TJP3: variants seen among roughly 807,000 people sequenced by gnomAD.
TJP3 encodes tight junction protein 3.
A neutral mutation model predicts 104.2 loss-of-function variants in TJP3; 85 were observed. The observed-to-expected ratio is 0.82, with a 90% CI of 0.68 to 0.98. The LOEUF (loss-of-function observed/expected upper bound fraction) is 0.98, where lower values mean the gene tolerates loss of function less well. Among genes scored for constraint, TJP3 ranks in the 50% least tolerant of loss-of-function variants. The pLI, the probability that TJP3 is intolerant of heterozygous loss-of-function variation, is 0.00. For missense variants in TJP3, 1,367 were observed against 1,322.8 expected (o/e 1.03, Z -0.52); for synonymous variants, 550 against 550.6 (o/e 1.00, Z 0.02).
chr19:3,745,222 C>T (rs978367698), intron 15 of TJP3, among the ~76,000 whole-genome samples: 4 of 144,462 alleles, frequency 2.8e-5, no homozygotes, highest in East Asian at 2.0e-4. Context: ...CTCGACTCAC[C>T]GCAACCTCTG....
In TJP3 at chr19:3,728,415, C is replaced by G. The variant is rs749628150; in HGVS notation, c.-9-9C>G. On this transcript the variant is annotated splice_polypyrimidine_tract_variant and intron_variant, in intron 1 of 20. Coordinates refer to ENST00000541714, the MANE Select transcript of TJP3 (RefSeq NM_001267560.2). ...CCTCATGCCCATCTTCCCCGCTCCC[C>G]TCGACCAGGTGGCTGACATGGAGGA... 6.2e-7 allele frequency: 1 copy of G among 1,614,098 alleles called. No individual in the cohort carries two copies. Among genetic ancestry groups the G allele is most frequent in the African/African-American group, 1.3e-5 (1 of 74,952 alleles).
intron 1 of TJP3, among the ~76,000 whole-genome samples, chr19:3,710,799 C>G (rs912011981): frequency 6.6e-6 from 1 of 151,674 alleles, no homozygotes; most frequent in Non-Finnish European, 1.5e-5. Flanking sequence ...TCTCGTGGGG[C>G]GCATATTTTG....
At position 3,729,473 on chromosome 19, in the gene TJP3, G is replaced by A. The variant is rs149953045; in HGVS notation, c.159-555G>A. ...TGGTGTGGGGAGCGAGGAGTGAGAA[G>A]ATGCCAGGTGTAGCTGTAGCTTCAA... On this transcript the variant is annotated intron_variant, in intron 3 of 20. Transcript: ENST00000541714. Among the ~76,000 whole-genome samples, 1,084 of 152,162 alleles carry A rather than the reference G, an allele frequency of 7.1e-3. 13 individuals carry two copies. The highest frequency in any genetic ancestry group is 0.025 in the African/African-American group (1,024 of 41,520).
rs2036884238 is a variant in TJP3, at chr19:3,746,146, C to A, written c.2010+65C>A. 1.4e-6 allele frequency: 2 copies of A among 1,439,002 alleles called. No homozygotes were observed. Among genetic ancestry groups the A allele is most frequent in the South Asian group, 1.2e-5 (1 of 82,142 alleles). 89.1% of individuals were successfully genotyped at this position (1,439,002 alleles called of 1,614,324 possible). A position where few individuals can be genotyped will look rare whatever the true frequency, so the allele number is the denominator to read the frequency against. On this transcript the variant is annotated intron_variant, in intron 16 of 20. Transcript: ENST00000541714. The surrounding 1 kb of genome is among the most constrained non-coding windows in gnomAD (Gnocchi z 4.1). ...GGGAAACCGAGGCCTGGGCATCCAACTGAATGTCCTGACCTGTTCTCAGCC... is the reference window on the plus strand; with the variant it reads ...GGGAAACCGAGGCCTGGGCATCCAAATGAATGTCCTGACCTGTTCTCAGCC...
At chr19:3,716,801 A>AT (rs1215459660) in intron 1 of TJP3, among the ~76,000 whole-genome samples, 26,171 of 81,736 alleles carry the variant, frequency 0.32, 6,307 homozygotes, top group East Asian at 0.62. Flanking sequence ...ATATATATAT[A>AT]TTTTTTTTTT....
intron 1 of TJP3, among the ~76,000 whole-genome samples, chr19:3,721,211 C>T (rs992524920): frequency 2.6e-5 from 4 of 152,202 alleles, no homozygotes; most frequent in Admixed American, 2.0e-4. Context: ...TGCCCTGCCC[C>T]CTTTCTTTTC....
chr19:3,725,629 T>G (rs534709107), intron 1 of TJP3, among the ~76,000 whole-genome samples: 1 of 148,360 alleles, frequency 6.7e-6, no homozygotes, highest in Admixed American at 6.7e-5. Context: ...GAGGTGGAGG[T>G]TGCAGTGAGC....
chr19:3,727,464 CA>C (rs2036612245), intron 1 of TJP3, among the ~76,000 whole-genome samples: 4 of 108,770 alleles, frequency 3.7e-5, no homozygotes, highest in East Asian at 5.2e-4. Flanking sequence ...GCCTGGGCAA[CA>C]AGAGCGAAAC....
intron 3 of TJP3, among the ~76,000 whole-genome samples, chr19:3,729,071 G>A (rs1048786267): frequency 2.0e-5 from 3 of 152,054 alleles, no homozygotes; most frequent in African/African-American, 7.2e-5. Context: ...AGTAAGTGAG[G>A]TGAGGAGAAA....
At chr19:3,731,627 CCTT>C (rs1370111912) in intron 5 of TJP3, among the ~76,000 whole-genome samples, 26 of 151,926 alleles carry the variant, frequency 1.7e-4, no homozygotes, top group Non-Finnish European at 8.8e-5. Flanking sequence ...GAGTGAGACT[CCTT>C]CTCGAAAAAA....
intron 1 of TJP3, chr19:3,721,572 G>T (rs888391647): frequency 9.1e-6 from 2 of 219,108 alleles, no homozygotes; most frequent in Non-Finnish European, 1.8e-5. Context: ...GGCCGCGGCC[G>T]CCGGCCCCCT....
intron 13 of TJP3, 67 bp downstream of exon 13, chr19:3,739,201 G>A (rs1216951698): frequency 2.1e-6 from 3 of 1,408,174 alleles, no homozygotes; most frequent in Admixed American, 2.3e-5. Context: ...TTAGAAATGG[G>A]CTCGATTGGG....
intron 11 of TJP3, 112 bp from the exon 12 acceptor site, chr19:3,738,442 CA>C: frequency 1.1e-6 from 1 of 891,712 alleles, no homozygotes; most frequent in Non-Finnish European, 1.8e-6. Context: ...GGTCCCTTGG[CA>C]GCAGCTCTGG....
chr19:3,736,378 C>T, intron 11 of TJP3, 57 bp downstream of exon 11: 1 of 1,442,358 alleles, frequency 6.9e-7, no homozygotes, highest in Non-Finnish European at 9.1e-7. Context: ...TGTGCTAGGT[C>T]CTGCCCTTGT....
At position 3,730,452 on chromosome 19, in the gene TJP3, G is replaced by A. The variant is rs774239353; in HGVS notation, c.359G>A (p.Arg120Gln). The A allele has an allele frequency of 3.8e-5, 60 of 1,587,412 alleles. No individual in the cohort carries two copies. Among genetic ancestry groups the A allele is most frequent in the East Asian group, 1.1e-4 (5 of 43,660 alleles). ...QDSDEDDGPQRVEEVDQGRGY... is the reference protein window; with the variant it reads ...QDSDEDDGPQQVEEVDQGRGY... ...TCGGATGAAGACGATGGGCCCCAGC[G>A]GGTGGAGGAGGTGGACCAGGGCCGG... The change falls in exon 5 of 21, where the codon CGG (arginine) becomes CAG (glutamine). Residue 120 changes from arginine to glutamine, a missense_variant. Physicochemically the swap from Arg to Gln is conservative, Grantham distance 43. Coordinates refer to ENST00000541714, the MANE Select transcript of TJP3 (RefSeq NM_001267560.2). The surrounding 1 kb of genome is among the most constrained non-coding windows in gnomAD (Gnocchi z 7.3).
Position 3,746,599 on chromosome 19 carries a change from C to T in TJP3, c.2125C>T (p.Leu709=), listed in dbSNP as rs781260522. 4 of 1,613,600 alleles carry T rather than the reference C, an allele frequency of 2.5e-6. 1 individual carries two copies. The South Asian group carries it at 4.4e-5, about 18-fold the overall frequency. ...IPESRPALKA[L]RQWLAPASRR... ...CGAGAGCCGGCCGGCCCTCAAGGCA[C>T]TGCGCCAGTGGCTGGCGCCTGCCTC... The change falls in exon 17 of 21, where the codon CTG becomes TTG. Residue 709 remains leucine, a synonymous_variant. Coordinates refer to ENST00000541714, the MANE Select transcript of TJP3 (RefSeq NM_001267560.2). This position sits in a 1 kb window ranked among gnomAD's most constrained non-coding sequence, Gnocchi z 4.1.
chr19:3,750,034 G>A, intron 19 of TJP3, 104 bp from the exon 20 acceptor site: 2 of 1,459,110 alleles, frequency 1.4e-6, no homozygotes, highest in Non-Finnish European at 9.6e-7. Context: ...CAAGTGGGCA[G>A]CATGGCCCGG....
chr19:3,747,818 C>T lies in TJP3; in HGVS notation c.2347C>T (p.Leu783=), dbSNP rs1324567665. The change falls in exon 19 of 21, where the codon CTA becomes TTA. Residue 783 remains leucine (L), a synonymous_variant. Coordinates refer to ENST00000541714, the MANE Select transcript of TJP3 (RefSeq NM_001267560.2). The stretch of plus-strand genomic sequence containing the variant: ...GCTGGATGGCTCCTTGGAGGACAAC[C>T]TAGACCTCCCTCACCACGGCCTGGC... ...DQLDGSLEDN[L]DLPHHGLADS... The T allele has an allele frequency of 6.9e-6, 11 of 1,603,970 alleles. No homozygotes were observed. Among genetic ancestry groups the T allele is most frequent in the Non-Finnish European group, 9.3e-6 (11 of 1,177,980 alleles).
intron 19 of TJP3, 146 bp from the exon 20 acceptor site, chr19:3,749,992 G>A: frequency 1.0e-6 from 1 of 957,882 alleles, no homozygotes; most frequent in Non-Finnish European, 1.6e-6. Context: ...ATTTAGATTT[G>A]GGGATGACCT....
Sources: allele counts gnomAD v4.1 joint callset (sites outside exome capture counted in the v4.1 genomes callset), GRCh38; gene constraint gnomAD v4.1.1; non-coding constraint Gnocchi (gnomAD v3.1); transcripts MANE v1.5; gene names NCBI Gene and HGNC (gene_info 2026-07-23, HGNC 2026-07-21).